ATP10B: variants seen among roughly 807,000 people sequenced by gnomAD.
ATP10B encodes the protein ATPase phospholipid transporting 10B (putative), also known as phospholipid-transporting ATPase VB.
ATP10B carries 122 observed loss-of-function variants against 141.2 expected under a neutral mutation model. The ratio of observed to expected loss-of-function variants is 0.86; its 90% CI spans 0.75 to 1.00. The LOEUF is 1.00. ATP10B is among the 50% of genes least tolerant of loss of function. The probability of loss-of-function intolerance (pLI) is 0.00; values close to 1 mark genes in which losing one functional copy is unlikely to be tolerated. For missense variants in ATP10B, 1,876 were observed against 1,825.3 expected (o/e 1.03, Z -0.51); for synonymous variants, 685 against 692.0 (o/e 0.99, Z 0.16).
intron 16 of ATP10B, 151 bp downstream of exon 16, chr5:160,617,713 G>C (rs772328968): frequency 2.2e-5 from 15 of 681,334 alleles, no homozygotes; most frequent in Non-Finnish European, 7.3e-6. Context: ...AATTGTCAGT[G>C]TCTTGGGTTT....
At chr5:160,841,994 G>T (rs1396420109) in intron 1 of ATP10B, among the ~76,000 whole-genome samples, 1 of 152,164 alleles carries the variant, frequency 6.6e-6, no homozygotes, top group Non-Finnish European at 1.5e-5. Context: ...CAAAATGCTG[G>T]GATTACAGGC....
the ATP10B span, among the ~76,000 whole-genome samples, chr5:160,914,571 G>T: frequency 3.3e-5 from 5 of 152,026 alleles, no homozygotes; most frequent in East Asian, 7.7e-4. Flanking sequence ...TATTTGTATT[G>T]CTGTACTGCT....
upstream of ATP10B, among the ~76,000 whole-genome samples, chr5:160,854,541 A>T (rs944555701): frequency 6.6e-6 from 1 of 152,120 alleles, no homozygotes; most frequent in South Asian, 2.1e-4. Flanking sequence ...CATGGTGTGT[A>T]TGTGCTACAT....
rs1361712202 is a variant in ATP10B at position 160,588,864 on chromosome 5, T to C, written c.3750+728A>G. Among the ~76,000 whole-genome samples, 4 of 152,186 alleles carry C rather than the reference T, an allele frequency of 2.6e-5. No homozygotes were observed. The East Asian group carries it at 7.7e-4, about 29-fold the overall frequency. ...CATTGCCTTCTTAGATATCAAAATG[T>C]GACATTTGGATATGCTTGAGATATG... On this transcript the variant is annotated intron_variant, in intron 24 of 25. Coordinates refer to ENST00000327245, the MANE Select transcript of ATP10B (RefSeq NM_025153.3).
Position 160,615,216 on chromosome 5 carries a change from A to G in ATP10B, c.2653+622T>C, listed in dbSNP as rs576256884. On this transcript the variant is annotated intron_variant, in intron 17 of 25. Transcript: ENST00000327245. The stretch of plus-strand genomic sequence containing the variant: ...GTCCTGCTGACCTTTCCTGCCTTCC[A>G]TCATTTCTCCCCACTCTGTTTCCCC... 3.3e-5 allele frequency among the ~76,000 whole-genome samples: 5 copies of G among 151,926 alleles called. No homozygotes were observed. In the South Asian group the frequency reaches 6.3e-4, roughly 19 times the overall value.
intron 2 of ATP10B, among the ~76,000 whole-genome samples, chr5:160,723,648 G>A (rs1035018821): frequency 4.6e-5 from 7 of 151,704 alleles, no homozygotes; most frequent in Admixed American, 6.6e-5. Flanking sequence ...ATTCTCTCTC[G>A]CTCTCTTTTC....
At position 160,599,120 on chromosome 5, in the gene ATP10B, C is replaced by T. The variant is rs56811519; in HGVS notation, c.3364-150G>A. On this transcript the variant is annotated intron_variant, in intron 21 of 25. Coordinates refer to ENST00000327245, the MANE Select transcript of ATP10B (RefSeq NM_025153.3). ...AAGGATGAGAGAGAATTCTAATCCT[C>T]GGAGCAGTAGCTACCACTGTTACTA... 1,522 of 649,604 alleles carry T rather than the reference C, an allele frequency of 2.3e-3. 16 individuals carry two copies. The highest frequency in any genetic ancestry group is 0.023 in the African/African-American group (1,287 of 54,956). The allele number at this position is 649,604 out of a possible 1,614,324, so 40.2% of individuals were successfully genotyped here.
intron 1 of ATP10B, among the ~76,000 whole-genome samples, chr5:160,791,760 A>G (rs1033137513): frequency 1.3e-5 from 2 of 152,174 alleles, no homozygotes; most frequent in African/African-American, 2.4e-5. Context: ...ACGGGATCAC[A>G]TATGGCTCTA....
intron 23 of ATP10B, among the ~76,000 whole-genome samples, chr5:160,590,036 C>T (rs562744262): frequency 8.5e-5 from 13 of 152,128 alleles, no homozygotes; most frequent in Admixed American, 2.6e-4. Context: ...TTAGGCAGTG[C>T]GGATGTGGTA....
chr5:160,601,874 A>AGCCCAGGG (rs1451826469), intron 21 of ATP10B, among the ~76,000 whole-genome samples: 1 of 152,216 alleles, frequency 6.6e-6, no homozygotes, highest in African/African-American at 2.4e-5. Flanking sequence ...CCTGAAAGAA[A>AGCCCAGGG]GCCCAGGGGC....
the ATP10B span, among the ~76,000 whole-genome samples, chr5:160,877,863 C>T: frequency 7.1e-5 from 10 of 141,438 alleles, no homozygotes; most frequent in South Asian, 7.2e-4. Context: ...CTACAAACCA[C>T]AGCTCAATGA....
At chr5:160,883,234 A>G in the ATP10B span, among the ~76,000 whole-genome samples, 1 of 152,234 alleles carries the variant, frequency 6.6e-6, no homozygotes, top group Non-Finnish European at 1.5e-5. Context: ...TTGAACATGC[A>G]AGAATGTAGG....
At chr5:160,813,081 G>A (rs752245845) in intron 1 of ATP10B, among the ~76,000 whole-genome samples, 28 of 152,242 alleles carry the variant, frequency 1.8e-4, no homozygotes, top group Non-Finnish European at 4.0e-4. Context: ...GGTGATTTCT[G>A]CATTTCCAAC....
At chr5:160,928,110 G>A in the ATP10B span, among the ~76,000 whole-genome samples, 1 of 152,186 alleles carries the variant, frequency 6.6e-6, no homozygotes, top group Non-Finnish European at 1.5e-5. Context: ...CATGAGTCCA[G>A]TGAACCATGC....
intron 3 of ATP10B, among the ~76,000 whole-genome samples, chr5:160,707,851 C>G (rs958693584): frequency 1.3e-5 from 2 of 152,136 alleles, no homozygotes; most frequent in African/African-American, 4.8e-5. Flanking sequence ...GCAAAATGCC[C>G]GTGGAGACTC....
At chr5:160,658,367 C>T (rs1761652970) in intron 7 of ATP10B, among the ~76,000 whole-genome samples, 1 of 152,182 alleles carries the variant, frequency 6.6e-6, no homozygotes, top group Admixed American at 6.6e-5. Context: ...AGGAATAACA[C>T]TAGGGACTAT....
chr5:160,735,223 C>A (rs1201606461), intron 2 of ATP10B, among the ~76,000 whole-genome samples: 3 of 149,410 alleles, frequency 2.0e-5, no homozygotes, highest in South Asian at 4.2e-4. Context: ...CCTGAATGGA[C>A]TAAAAAAAAA....
At chr5:160,782,335 G>T (rs1388978090) in intron 2 of ATP10B, among the ~76,000 whole-genome samples, 7 of 152,062 alleles carry the variant, frequency 4.6e-5, no homozygotes, top group Non-Finnish European at 8.8e-5. Context: ...ACGGTTGTCT[G>T]CAATAACAGC....
chr5:160,615,241 C>G (rs927043442), intron 17 of ATP10B, among the ~76,000 whole-genome samples: 1 of 152,092 alleles, frequency 6.6e-6, no homozygotes, highest in Non-Finnish European at 1.5e-5. Flanking sequence ...TCTGTTTCCC[C>G]CCAGCCCGGG....
Sources: allele counts gnomAD v4.1 joint callset (sites outside exome capture counted in the v4.1 genomes callset), GRCh38; gene constraint gnomAD v4.1.1; transcripts MANE v1.5; gene names NCBI Gene and HGNC (gene_info 2026-07-23, HGNC 2026-07-21).